Variants in RBM33 observed in about 807,000 individuals in gnomAD.
The protein encoded by RBM33 is RNA binding motif protein 33.
Under a neutral mutation model 132.6 loss-of-function variants are expected in RBM33, and 28 were observed. That is an observed-to-expected ratio of 0.21 (90% CI 0.16 to 0.29). The LOEUF is 0.29. RBM33 is among the 10% of genes least tolerant of loss of function. RBM33 has a pLI of 1.00. For missense variants in RBM33, 1,291 were observed against 1,518.5 expected (o/e 0.85, Z 2.49); for synonymous variants, 634 against 593.0 (o/e 1.07, Z -1.01).
chr7:155,741,851 CATGCAGCAA>C lies in RBM33; in HGVS notation c.2090_2098del (p.Gln697_Gln699del). On this transcript the variant is annotated inframe_deletion, in exon 13 of 18. Coordinates refer to ENST00000401878, the MANE Select transcript of RBM33 (RefSeq NM_053043.3). ...CTTCTCAGAATGTAAGCAAGCGGCC[CATGCAGCAA>C]ATGCAGCCCACTGCGCCAAGGAACA... is the stretch of plus-strand genomic sequence containing the variant. 1 of 1,613,318 alleles carries C rather than the reference CATGCAGCAA, an allele frequency of 6.2e-7. No individual in the cohort carries two copies. Among genetic ancestry groups the C allele is most frequent in the Non-Finnish European group, 8.5e-7 (1 of 1,179,254 alleles).
chr7:155,654,204 TCTC>T (rs1305330476), intron 1 of RBM33, among the ~76,000 whole-genome samples: 2 of 152,176 alleles, frequency 1.3e-5, no homozygotes, highest in African/African-American at 4.8e-5. Context: ...TTCATTGACT[TCTC>T]CTTCCTTGTT....
chr7:155,704,071 C>G (rs1015687719), intron 6 of RBM33, among the ~76,000 whole-genome samples: 1 of 152,310 alleles, frequency 6.6e-6, no homozygotes, highest in South Asian at 2.1e-4. Flanking sequence ...GAAACGAGTT[C>G]TCTTCCAATC....
At chr7:155,771,246 C>T (rs1159821502) in intron 16 of RBM33, among the ~76,000 whole-genome samples, 3 of 152,184 alleles carry the variant, frequency 2.0e-5, no homozygotes, top group African/African-American at 4.8e-5. Context: ...TGGAAGCTGG[C>T]GACCATGTCT....
intron 16 of RBM33, among the ~76,000 whole-genome samples, chr7:155,769,170 A>G (rs1802322602): frequency 1.3e-5 from 2 of 152,354 alleles, no homozygotes; most frequent in South Asian, 2.1e-4. Flanking sequence ...TGTTTCAGAA[A>G]TTGTAACTTG....
intron 3 of RBM33, 75 bp from the exon 4 acceptor site, chr7:155,678,533 A>G (rs1799248072): frequency 1.1e-6 from 1 of 886,310 alleles, no homozygotes; most frequent in African/African-American, 1.7e-5. Flanking sequence ...CAATTCAGTC[A>G]GTGTAATTTT....
chr7:155,731,231 AAAG>A (rs1396871501), intron 9 of RBM33, among the ~76,000 whole-genome samples: 1 of 152,164 alleles, frequency 6.6e-6, no homozygotes, highest in African/African-American at 2.4e-5. Context: ...GGAAGGTAGG[AAAG>A]AAGGTTTATA....
At chr7:155,660,868 C>T (rs909214588) in intron 1 of RBM33, among the ~76,000 whole-genome samples, 3 of 151,884 alleles carry the variant, frequency 2.0e-5, no homozygotes, top group Non-Finnish European at 4.4e-5. Flanking sequence ...TCCCATTACA[C>T]GTATATTGTT....
intron 8 of RBM33, 93 bp from the exon 9 acceptor site, chr7:155,718,292 A>G (rs1446509025): frequency 5.4e-6 from 5 of 929,726 alleles, no homozygotes; most frequent in Non-Finnish European, 8.9e-6. Flanking sequence ...TGGTACGCAT[A>G]GTATATATTT....
chr7:155,739,897 C>A lies in RBM33; in HGVS notation c.1920C>A (p.His640Gln), dbSNP rs979884992. 5.8e-6 allele frequency: 9 copies of A among 1,549,624 alleles called. No homozygotes were observed. The highest frequency in any genetic ancestry group is 1.4e-5 in the African/African-American group (1 of 72,228). Residue 640 changes from histidine to glutamine, a missense_variant, in exon 12 of 18, where the codon CAC (histidine) becomes CAA (glutamine). His to Gln is a conservative substitution (Grantham distance 24). This residue lies in a region of RBM33 where 841 missense variants were observed against 912.0 expected (regional missense o/e 0.92). Transcript: ENST00000401878. ...AGCACCAGCACCACCACCACCACCA[C>A]CACCTGTCCGTCCCGCCCCCTCCTT... ...PPQHQHHHHH[H>Q]HLSVPPPPLM...
chr7:155,671,491 G>T (rs1179895267), intron 2 of RBM33, among the ~76,000 whole-genome samples: 1 of 152,134 alleles, frequency 6.6e-6, no homozygotes, highest in East Asian at 1.9e-4. Context: ...GATTTGTCAG[G>T]TTGTTTTTAG....
At chr7:155,693,696 C>T (rs1799711266) in intron 5 of RBM33, among the ~76,000 whole-genome samples, 2 of 150,432 alleles carry the variant, frequency 1.3e-5, no homozygotes, top group East Asian at 1.9e-4. Flanking sequence ...TGGTGATGTG[C>T]TGGTCTTTTC....
At chr7:155,758,119 G>A (rs1801911700) in intron 14 of RBM33, among the ~76,000 whole-genome samples, 2 of 152,136 alleles carry the variant, frequency 1.3e-5, no homozygotes, top group Admixed American at 6.5e-5. Flanking sequence ...TGTCTGTACG[G>A]ACCCTAGTAC....
At chr7:155,678,759 G>A in intron 4 of RBM33, 75 bp downstream of exon 4, 1 of 756,326 alleles carries the variant, frequency 1.3e-6, no homozygotes, top group Non-Finnish European at 2.2e-6. Context: ...TAATTATAAT[G>A]GAATGTAATT....
At chr7:155,720,008 A>G (rs1175026574) in intron 9 of RBM33, among the ~76,000 whole-genome samples, 1 of 152,214 alleles carries the variant, frequency 6.6e-6, no homozygotes, top group East Asian at 1.9e-4. Flanking sequence ...CTTTGCCGCT[A>G]TTAGAAGAGG....
Position 155,644,665 on chromosome 7 carries a change from G to T in RBM33, c.-212G>T. On this transcript the variant is annotated 5_prime_UTR_variant, in exon 1 of 18. Transcript: ENST00000401878. ...CATCCCAGGGTGCACCGCGGCGGGC[G>T]CGGGCGCGCGGCCATGTTGCGGTAG... 2.4e-6 allele frequency: 1 copy of T among 415,248 alleles called. No homozygotes were observed. Among genetic ancestry groups the T allele is most frequent in the Non-Finnish European group, 4.3e-6 (1 of 234,344 alleles). The allele number at this position is 415,248 out of a possible 1,614,324, so 25.7% of individuals were successfully genotyped here.
At chr7:155,690,802 C>G (rs1475647892) in intron 5 of RBM33, among the ~76,000 whole-genome samples, 1 of 152,196 alleles carries the variant, frequency 6.6e-6, no homozygotes, top group African/African-American at 2.4e-5. Context: ...GGACCCCACT[C>G]TCTTCTGGCT....
intron 9 of RBM33, among the ~76,000 whole-genome samples, chr7:155,725,033 T>C (rs1800747848): frequency 6.7e-6 from 1 of 148,706 alleles, no homozygotes; most frequent in African/African-American, 2.6e-5. Flanking sequence ...TGTGTGTGTG[T>C]GTGTACAGAT....
At chr7:155,650,461 C>G (rs1433814195) in intron 1 of RBM33, among the ~76,000 whole-genome samples, 2 of 152,188 alleles carry the variant, frequency 1.3e-5, no homozygotes. Context: ...GGTTCAAAAT[C>G]TTGATCTCCA....
At chr7:155,728,867 C>T (rs963115091) in intron 9 of RBM33, among the ~76,000 whole-genome samples, 2 of 152,110 alleles carry the variant, frequency 1.3e-5, no homozygotes, top group Non-Finnish European at 2.9e-5. Context: ...ACTTTCTAAC[C>T]GTATACTAAG....
Sources: allele counts gnomAD v4.1 joint callset (sites outside exome capture counted in the v4.1 genomes callset), GRCh38; gene constraint gnomAD v4.1.1; regional missense constraint gnomAD v4.1.1; transcripts MANE v1.5; gene names NCBI Gene and HGNC (gene_info 2026-07-23, HGNC 2026-07-21).